Variants in ZFAT observed in about 807,000 individuals in gnomAD.
ZFAT encodes zinc finger protein ZFAT.
A neutral mutation model predicts 117.7 loss-of-function variants in ZFAT; 64 were observed. The ratio of observed to expected loss-of-function variants is 0.54; its 90% confidence interval spans 0.44 to 0.67. The LOEUF (loss-of-function observed/expected upper bound fraction) is 0.67, where lower values mean the gene tolerates loss of function less well. Among genes scored for constraint, ZFAT ranks in the 30% least tolerant of loss-of-function variants. The probability of loss-of-function intolerance (pLI) is 0.00; values close to 1 mark genes in which losing one functional copy is unlikely to be tolerated. For synonymous variants in ZFAT, 679 were observed against 615.0 expected (o/e 1.10, Z -1.54); for missense variants, 1,433 against 1,584.5 (o/e 0.90, Z 1.62).
chr8:134,628,343 T>C (rs2131056217), intron 3 of ZFAT, among the ~76,000 whole-genome samples: 1 of 151,972 alleles, frequency 6.6e-6, no homozygotes, highest in South Asian at 2.1e-4. Flanking sequence ...GATCTAGAGG[T>C]GGGCAAAGTG....
At chr8:134,586,049 G>T (rs1324002316) in intron 9 of ZFAT, among the ~76,000 whole-genome samples, 1 of 152,006 alleles carries the variant, frequency 6.6e-6, no homozygotes, top group Non-Finnish European at 1.5e-5. Context: ...CGGAGACAAG[G>T]GATATTTTAT....
At chr8:134,601,317 G>A (rs554192563) in intron 6 of ZFAT, among the ~76,000 whole-genome samples, 160 bp downstream of exon 6, 6 of 152,284 alleles carry the variant, frequency 3.9e-5, no homozygotes, top group Non-Finnish European at 7.3e-5. Context: ...GACTCCAAGC[G>A]CTAACGGCCA....
chr8:134,596,849 T>C (rs763182786), intron 7 of ZFAT, among the ~76,000 whole-genome samples: 3 of 152,024 alleles, frequency 2.0e-5, no homozygotes, highest in Non-Finnish European at 2.9e-5. Context: ...TCCACAGATA[T>C]AGAGAGTAGA....
At chr8:134,796,957 A>G in the ZFAT span, 1 of 152,208 alleles carries the variant, frequency 6.6e-6, no homozygotes, top group Admixed American at 6.5e-5. Flanking sequence ...TGGTCACTGC[A>G]TTTAATACAA....
At chr8:134,481,566 A>T (rs914212042) in intron 15 of ZFAT, among the ~76,000 whole-genome samples, 7 of 152,346 alleles carry the variant, frequency 4.6e-5, no homozygotes, top group Middle Eastern at 6.8e-3. Context: ...ATGCCCAAGT[A>T]TGGACAGTGG....
chr8:134,560,326 C>T (rs552836006), intron 11 of ZFAT, among the ~76,000 whole-genome samples: 9 of 152,224 alleles, frequency 5.9e-5, no homozygotes, highest in Admixed American at 2.0e-4. Flanking sequence ...TTGTATGAAT[C>T]CCATGAACTC....
chr8:134,745,247 T>G, the ZFAT span, among the ~76,000 whole-genome samples: 1 of 152,182 alleles, frequency 6.6e-6, no homozygotes, highest in Non-Finnish European at 1.5e-5. Flanking sequence ...AGCCTGGAAT[T>G]CTGTCTACCA....
At chr8:134,594,313 A>G (rs1385170123) in intron 7 of ZFAT, among the ~76,000 whole-genome samples, 1 of 152,194 alleles carries the variant, frequency 6.6e-6, no homozygotes, top group African/African-American at 2.4e-5. Flanking sequence ...ATTAAATAAC[A>G]TTTCCTCTAC....
upstream of ZFAT, among the ~76,000 whole-genome samples, chr8:134,715,676 G>T (rs142827174): frequency 1.3e-5 from 2 of 152,326 alleles, no homozygotes; most frequent in African/African-American, 2.4e-5. Flanking sequence ...CCTCGGTGAT[G>T]GTTCCTAGAA....
chr8:134,801,810 C>G, the ZFAT span, among the ~76,000 whole-genome samples: 1 of 152,132 alleles, frequency 6.6e-6, no homozygotes, highest in Non-Finnish European at 1.5e-5. Context: ...AAGGATTTTT[C>G]TGTTTTACTT....
At chr8:134,626,759 T>G (rs765217551) in intron 3 of ZFAT, among the ~76,000 whole-genome samples, 7 of 152,262 alleles carry the variant, frequency 4.6e-5, no homozygotes, top group Non-Finnish European at 7.3e-5. Context: ...GGCTCAAGGC[T>G]CTGGGGCCCA....
intron 11 of ZFAT, among the ~76,000 whole-genome samples, chr8:134,562,755 T>C (rs1015082849): frequency 2.0e-5 from 3 of 152,164 alleles, no homozygotes; most frequent in African/African-American, 7.2e-5. Context: ...AAGTTAATAA[T>C]ACATATGTGA....
At chr8:134,535,205 T>G (rs1328407336) in intron 11 of ZFAT, among the ~76,000 whole-genome samples, 1 of 152,208 alleles carries the variant, frequency 6.6e-6, no homozygotes, top group Non-Finnish European at 1.5e-5. Context: ...TGGTCCCAAT[T>G]ATCATTTTTG....
At position 134,602,336 on chromosome 8, in the gene ZFAT, G is replaced by C. The variant is rs115542684; in HGVS notation, c.1383C>G (p.Ala461=). 1 of 1,613,710 alleles carries C rather than the reference G, an allele frequency of 6.2e-7. No individual in the cohort carries two copies. The highest frequency in any genetic ancestry group is 1.3e-5 in the African/African-American group (1 of 74,954). The stretch of plus-strand genomic sequence containing the variant: ...AGCTGACGAACTTCTTGCGGCAGAC[G>C]GCACAGACGTACACGAAGGGGTGCT... ...VRKHPFVYVC[A]VCRKKFVSSI... is the part of the protein sequence containing the mutation. The change falls in exon 6 of 16, where the codon GCC becomes GCG. Residue 461 remains alanine (A), a synonymous_variant. Transcript: ENST00000377838.
chr8:134,597,014 T>C lies in ZFAT; in HGVS notation c.2475+3422A>G, dbSNP rs10089134. 7.5e-3 allele frequency among the ~76,000 whole-genome samples: 1,142 copies of C among 152,180 alleles called. 18 individuals carry two copies. The highest frequency in any genetic ancestry group is 0.025 in the African/African-American group (1,043 of 41,528). ...TACTAAAAAAAAAAAAAAATTTGAT[T>C]TCACACTTTAATGAGCAAATTGTAT... On this transcript the variant is annotated intron_variant, in intron 7 of 15. Coordinates refer to ENST00000377838, the MANE Select transcript of ZFAT (RefSeq NM_020863.4).
At chr8:134,570,653 C>T (rs574986821) in intron 10 of ZFAT, among the ~76,000 whole-genome samples, 10 of 152,286 alleles carry the variant, frequency 6.6e-5, no homozygotes, top group African/African-American at 2.4e-4. Flanking sequence ...AGTTAATTTA[C>T]AGGAGCACCC....
chr8:134,773,093 CAAAAAA>C, the ZFAT span, among the ~76,000 whole-genome samples: 9 of 104,092 alleles, frequency 8.6e-5, no homozygotes, highest in African/African-American at 2.5e-4. Context: ...AATCCCAATT[CAAAAAA>C]AAAAAAAAAA....
chr8:134,617,331 A>G (rs10875385), intron 3 of ZFAT, among the ~76,000 whole-genome samples: 89,474 of 152,084 alleles, frequency 0.59, 27,240 homozygotes, highest in East Asian at 0.89. Flanking sequence ...TATGTTGGAA[A>G]TGCTTCAGTT....
At chr8:134,506,986 T>C (rs1372379672) in intron 15 of ZFAT, among the ~76,000 whole-genome samples, 3 of 152,242 alleles carry the variant, frequency 2.0e-5, no homozygotes, top group African/African-American at 4.8e-5. Flanking sequence ...ACCTCCAACA[T>C]AGTCAATTCT....
Sources: gnomAD v4.1 joint callset for allele counts (sites outside exome capture counted in the v4.1 genomes callset) on GRCh38, gnomAD v4.1.1 for gene constraint, MANE v1.5 for transcripts, NCBI Gene and HGNC (gene_info 2026-07-23, HGNC 2026-07-21) for gene names.